Variants in SCN1A observed in about 807,000 individuals in gnomAD.
SCN1A encodes sodium channel protein type 1 subunit alpha.
In SCN1A, 13 loss-of-function variants were observed where a neutral mutation model predicts 193.7. The observed-to-expected ratio is 0.07, with a 90% CI of 0.04 to 0.11. The LOEUF (loss-of-function observed/expected upper bound fraction) is 0.11. Among genes scored for constraint, SCN1A ranks in the 10% least tolerant of loss-of-function variants. SCN1A has a pLI of 1.00. For synonymous variants in SCN1A, 781 were observed against 843.6 expected, an observed-to-expected ratio of 0.93 and a Z score of 1.29; for missense variants, 1,432 against 2,451.1, an observed-to-expected ratio of 0.58 and a Z score of 8.78.
chr2:165,997,929 A>G, intron 26 of SCN1A, 109 bp downstream of exon 26: 1 of 824,644 alleles, frequency 1.2e-6, no homozygotes, highest in East Asian at 2.6e-5. Flanking sequence ...AATCAGTTAT[A>G]ATATATACTC....
At chr2:166,041,506 G>A (rs546525052) in intron 15 of SCN1A, 37 bp from the exon 16 acceptor site, 3 of 1,301,480 alleles carry the variant, frequency 2.3e-6, no homozygotes, top group Admixed American at 3.8e-5. Context: ...ACCACCAAAA[G>A]GTATACTTTA....
At chr2:166,041,559 A>T in intron 15 of SCN1A, 90 bp from the exon 16 acceptor site, 2 of 910,252 alleles carry the variant, frequency 2.2e-6, no homozygotes, top group Non-Finnish European at 3.5e-6. Context: ...TATTTTCAGT[A>T]ATCAACACAT....
At position 166,046,428 on chromosome 2, in the gene SCN1A, A is replaced by T. The variant is rs183705197; in HGVS notation, c.1377+342T>A. Among the ~76,000 whole-genome samples the T allele has an allele frequency of 5.3e-5, 8 of 152,298 alleles. No individual in the cohort carries two copies. The East Asian group carries it at 1.5e-3, about 29-fold the overall frequency. ...CTAGAGGAGCAACTCTTCATATGAT[A>T]ACCAATAATTTCTTGTTCTAAGAAA... On this transcript the variant is annotated intron_variant, in intron 12 of 28. Coordinates refer to ENST00000674923, the MANE Select transcript of SCN1A (RefSeq NM_001165963.4).
chr2:166,051,648 G>A (rs903372029), intron 9 of SCN1A, 71 bp downstream of exon 9: 6 of 1,233,160 alleles, frequency 4.9e-6, no homozygotes, highest in Non-Finnish European at 6.9e-6. Context: ...AGCCCCTCAA[G>A]TATTTATCCT....
intron 2 of SCN1A, among the ~76,000 whole-genome samples, chr2:166,125,690 CT>C (rs1478964283): frequency 6.6e-6 from 1 of 152,090 alleles, no homozygotes; most frequent in Admixed American, 6.6e-5. Flanking sequence ...CTGGTTGCCC[CT>C]GGTATCTCTG....
intron 23 of SCN1A, among the ~76,000 whole-genome samples, chr2:166,007,055 GTT>G (rs560882795): frequency 7.1e-6 from 1 of 140,910 alleles, no homozygotes; most frequent in Non-Finnish European, 1.6e-5. Context: ...ATTCATAAAG[GTT>G]TTTTTTTTTT....
chr2:166,074,438 A>G (rs1343749199), intron 3 of SCN1A, among the ~76,000 whole-genome samples: 2 of 150,000 alleles, frequency 1.3e-5, no homozygotes. Flanking sequence ...AATGATCAGA[A>G]AGAAGTCAGG....
At chr2:166,144,308 A>C (rs1436859759) in intron 1 of SCN1A, among the ~76,000 whole-genome samples, 1 of 152,198 alleles carries the variant, frequency 6.6e-6, no homozygotes, top group Non-Finnish European at 1.5e-5. Flanking sequence ...TTCGTTGGTG[A>C]AAACAGAGAA....
At chr2:166,011,540 A>G (rs1692450492) in intron 22 of SCN1A, among the ~76,000 whole-genome samples, 1 of 151,266 alleles carries the variant, frequency 6.6e-6, no homozygotes, top group Admixed American at 6.6e-5. Flanking sequence ...TACACTCTAC[A>G]TACCTTACTT....
intron 1 of SCN1A, among the ~76,000 whole-genome samples, chr2:166,143,805 T>C (rs1239619883): frequency 6.6e-6 from 1 of 152,226 alleles, no homozygotes; most frequent in Non-Finnish European, 1.5e-5. Context: ...CTTTGAATAA[T>C]TATTTTCTGA....
At chr2:166,042,072 A>G (rs1697253435) in intron 15 of SCN1A, among the ~76,000 whole-genome samples, 1 of 152,192 alleles carries the variant, frequency 6.6e-6, no homozygotes, top group Non-Finnish European at 1.5e-5. Context: ...AAGAGTTGCT[A>G]CACAGTTAGG....
chr2:166,039,400 G>A (rs769663762), intron 17 of SCN1A, 23 bp downstream of exon 17: 2 of 1,462,418 alleles, frequency 1.4e-6, no homozygotes, highest in Admixed American at 4.0e-5. Flanking sequence ...TTTGAATTTG[G>A]TGCTTTTTTT....
intron 2 of SCN1A, among the ~76,000 whole-genome samples, chr2:166,111,373 G>T (rs1689273445): frequency 6.6e-6 from 1 of 151,862 alleles, no homozygotes; most frequent in African/African-American, 2.4e-5. Flanking sequence ...AGCCTGAATG[G>T]CAGCACATCT....
rs1005506631 is a variant in SCN1A at position 166,108,787 on chromosome 2, C to A, written c.-142+18137G>T. Among the ~76,000 whole-genome samples the A allele has an allele frequency of 1.4e-4, 22 of 152,152 alleles. 1 individual carries two copies. The highest frequency in any genetic ancestry group is 5.1e-4 in the African/African-American group (21 of 41,530). ...GTACAGAGACAGCAAATAGTGATTGCCTAGGACTGGGAGTGGGAATAGAGA... is the reference window on the plus strand; with the variant it reads ...GTACAGAGACAGCAAATAGTGATTGACTAGGACTGGGAGTGGGAATAGAGA... On this transcript the variant is annotated intron_variant, in intron 2 of 28. Transcript: ENST00000674923.
Position 166,052,885 on chromosome 2 carries a change from G to C in SCN1A, c.661C>G (p.Leu221Val), listed in dbSNP as rs886039456. The change falls in exon 8 of 29, where the codon CTC (leucine) becomes GTC (valine). Residue 221 changes from leucine (L) to valine (V), a missense_variant. Leu to Val is a conservative substitution (Grantham distance 32). Transcript: ENST00000674923. ...NVSALRTFRV[L>V]RALKTISVIP... ...ACTGAAATCGTCTTCAATGCTCGGA[G>C]AACTCTGAATGTTCTCAATGCCGAG... The C allele has an allele frequency of 3.1e-6, 5 of 1,612,370 alleles. No individual in the cohort carries two copies. The highest frequency in any genetic ancestry group is 4.2e-6 in the Non-Finnish European group (5 of 1,179,096).
intron 4 of SCN1A, among the ~76,000 whole-genome samples, chr2:166,065,188 A>G (rs492299): frequency 0.21 from 32,690 of 152,104 alleles, 3,945 homozygotes; most frequent in Middle Eastern, 0.38. Flanking sequence ...ATAGCCTGGA[A>G]GTCAGACCAG....
At chr2:166,137,891 A>T (rs1224170070) in intron 1 of SCN1A, among the ~76,000 whole-genome samples, 6 of 152,210 alleles carry the variant, frequency 3.9e-5, no homozygotes, top group Non-Finnish European at 8.8e-5. Flanking sequence ...TTTGACCAAA[A>T]TGCTGATAAT....
At position 166,044,034 on chromosome 2, in the gene SCN1A, G is replaced by A. The variant is rs768764142; in HGVS notation, c.1678C>T (p.Arg560Cys). ...SSPHQSLLSIRGSLFSPRRNS... is the reference protein window; with the variant it reads ...SSPHQSLLSICGSLFSPRRNS... ...CGCCTTGGTGAAAATAGGGAGCCAC[G>A]GATGCTCAACAAAGACTAGAAGTTT... Residue 560 changes from arginine to cysteine, a missense_variant, in exon 14 of 29, where the codon CGT becomes TGT. Physicochemically the swap from Arg to Cys is radical, Grantham distance 180. Around this residue, in one of 18 missense-constraint regions of SCN1A, gnomAD observed 316 missense variants for 362.1 expected, o/e 0.87. Transcript: ENST00000674923. 33 of 1,613,962 alleles carry A rather than the reference G, an allele frequency of 2.0e-5. No homozygotes were observed. Among genetic ancestry groups the A allele is most frequent in the East Asian group, 6.7e-5 (3 of 44,902 alleles).
In SCN1A at chr2:165,988,981, CCA is replaced by C. The variant is rs1273819188; in HGVS notation, c.*2262_*2263del. ...TCTGGGAGGTCATTACCCCCTACCTCCAGTGACATATCTACCCTAGGTTTTGT... is the reference window on the plus strand; with the variant it reads ...TCTGGGAGGTCATTACCCCCTACCTCGTGACATATCTACCCTAGGTTTTGT... On this transcript the variant is annotated 3_prime_UTR_variant, in exon 29 of 29. Coordinates refer to ENST00000674923, the MANE Select transcript of SCN1A (RefSeq NM_001165963.4). 3.3e-5 allele frequency: 5 copies of C among 152,156 alleles called. No homozygotes were observed. Among genetic ancestry groups the C allele is most frequent in the African/African-American group, 1.2e-4 (5 of 41,182 alleles). The allele number at this position is 152,156 out of a possible 1,614,324, so 9.4% of individuals were successfully genotyped here.
Sources: gnomAD v4.1 joint callset for allele counts (sites outside exome capture counted in the v4.1 genomes callset) on GRCh38, gnomAD v4.1.1 for gene constraint, gnomAD v4.1.1 regional missense constraint, MANE v1.5 for transcripts, NCBI Gene and HGNC (gene_info 2026-07-23, HGNC 2026-07-21) for gene names.